VPS13C: variants seen among roughly 807,000 people sequenced by gnomAD.
The protein encoded by VPS13C is intermembrane lipid transfer protein VPS13C.
Under a neutral mutation model 456.8 loss-of-function variants are expected in VPS13C, and 358 were observed. The observed-to-expected ratio is 0.78, with a 90% CI of 0.72 to 0.86. The LOEUF (loss-of-function observed/expected upper bound fraction) is 0.86, where lower values mean the gene tolerates loss of function less well. Among genes scored for constraint, VPS13C ranks in the 40% least tolerant of loss-of-function variants. The pLI is 0.00. For missense variants in VPS13C, 4,818 were observed against 4,385.4 expected, an observed-to-expected ratio of 1.10 and a Z score of -2.79; for synonymous variants, 1,578 against 1,486.7, an observed-to-expected ratio of 1.06 and a Z score of -1.41.
intron 67 of VPS13C, among the ~76,000 whole-genome samples, chr15:61,888,214 G>A (rs1184267768): frequency 2.6e-5 from 4 of 152,128 alleles, no homozygotes; most frequent in African/African-American, 9.7e-5. Context: ...CAAGGATGTG[G>A]AGCAACAGGA....
At chr15:62,039,365 C>G (rs1156571126) in intron 3 of VPS13C, among the ~76,000 whole-genome samples, 1 of 151,924 alleles carries the variant, frequency 6.6e-6, no homozygotes, top group African/African-American at 2.4e-5. Flanking sequence ...TTCTCACTTA[C>G]AAGTAGGAGC....
At chr15:61,990,901 A>G (rs1412473533) in intron 18 of VPS13C, 99 bp downstream of exon 18, 2 of 773,054 alleles carry the variant, frequency 2.6e-6, no homozygotes, top group Non-Finnish European at 4.2e-6. Context: ...AGTGGAATTA[A>G]TAACATTTAT....
At chr15:62,058,348 A>T (rs2140823503) in intron 1 of VPS13C, among the ~76,000 whole-genome samples, 1 of 152,306 alleles carries the variant, frequency 6.6e-6, no homozygotes, top group South Asian at 2.1e-4. Flanking sequence ...TTCTTTACTT[A>T]CCTTTCCTTT....
intron 29 of VPS13C, 137 bp from the exon 30 acceptor site, chr15:61,966,279 A>G: frequency 2.0e-6 from 1 of 489,306 alleles, no homozygotes; most frequent in Non-Finnish European, 3.5e-6. Context: ...TATTGCCATT[A>G]TTTTAAATTT....
chr15:62,009,164 C>T (rs2046955955), intron 13 of VPS13C, among the ~76,000 whole-genome samples: 1 of 151,942 alleles, frequency 6.6e-6, no homozygotes, highest in Non-Finnish European at 1.5e-5. Flanking sequence ...TATATTTTTC[C>T]TCTGGATCAT....
intron 10 of VPS13C, 46 bp downstream of exon 10, chr15:62,013,887 A>C: frequency 3.5e-5 from 46 of 1,297,624 alleles, no homozygotes; most frequent in Non-Finnish European, 4.6e-5. Context: ...AAAATAAATT[A>C]AGTGCACCTA....
Position 61,974,416 on chromosome 15 carries a change from A to G in VPS13C, c.2410T>C (p.Phe804Leu), listed in dbSNP as rs2045645261. 2 of 1,611,332 alleles carry G rather than the reference A, an allele frequency of 1.2e-6. No individual in the cohort carries two copies. Among genetic ancestry groups the G allele is most frequent in the African/African-American group, 1.3e-5 (1 of 74,834 alleles). ...MVEKDIRMARFKVSGGLPLMH... is the reference protein window; with the variant it reads ...MVEKDIRMARLKVSGGLPLMH... ...AAAGGAAGTCCTCCTGACACTTTAA[A>G]TCTAAAAATACAATTCAGTGGTTTT... The change falls in exon 25 of 85, where the codon TTT becomes CTT. Residue 804 changes from phenylalanine (F) to leucine (L), a missense_variant and splice_region_variant. Transcript: ENST00000644861.
chr15:61,996,905 A>T (rs2046402991), intron 16 of VPS13C, among the ~76,000 whole-genome samples: 1 of 150,610 alleles, frequency 6.6e-6, no homozygotes, highest in African/African-American at 2.4e-5. Flanking sequence ...ACATATATAT[A>T]TATTACATAT....
In VPS13C at chr15:61,973,442, T is replaced by C; in HGVS notation, c.2617+12A>G. 6.3e-7 allele frequency: 1 copy of C among 1,599,866 alleles called. No individual in the cohort carries two copies. The highest frequency in any genetic ancestry group is 8.6e-7 in the Non-Finnish European group (1 of 1,167,714). Reference sequence around the variant, plus strand: ...TTAATTTAATAGAGAAAGAGTATTTTACTTTCCTTACCTGATTCCACAGTG... The same window carrying C: ...TTAATTTAATAGAGAAAGAGTATTTCACTTTCCTTACCTGATTCCACAGTG... On this transcript the variant is annotated intron_variant, in intron 26 of 84. Coordinates refer to ENST00000644861, the MANE Select transcript of VPS13C (RefSeq NM_020821.3).
At chr15:61,966,241 T>A in intron 29 of VPS13C, 99 bp from the exon 30 acceptor site, 6 of 709,342 alleles carry the variant, frequency 8.5e-6, no homozygotes, top group Non-Finnish European at 1.3e-5. Context: ...GTTATAAATG[T>A]ATTTTATATA....
Position 61,880,952 on chromosome 15 carries a change from T to C in VPS13C, c.9779A>G (p.Tyr3260Cys). 1 of 1,579,922 alleles carries C rather than the reference T, an allele frequency of 6.3e-7. No homozygotes were observed. ...CATTTCCTGAATGAGGACCATAAAA[T>C]ACCTAAGAAAAAAAATTTAAAATGG... ...NEYSKVLQFK[Y>C]FMVLIQEMAL... is the part of the protein sequence containing the mutation. The change falls in exon 72 of 85, where the codon TAT becomes TGT. Residue 3260 changes from tyrosine (Y) to cysteine (C), a missense_variant and splice_region_variant. Tyr to Cys is a radical substitution (Grantham distance 194, BLOSUM62 -2). Around this residue, in one of 3 missense-constraint regions of VPS13C, gnomAD observed 4,552 missense variants for 4,130.6 expected, o/e 1.10. Transcript: ENST00000644861.
intron 66 of VPS13C, among the ~76,000 whole-genome samples, chr15:61,899,935 C>T (rs2042945877): frequency 6.6e-6 from 1 of 152,044 alleles, no homozygotes; most frequent in East Asian, 1.9e-4. Flanking sequence ...GGCTTCATCC[C>T]TGGGATGCAA....
At chr15:61,868,315 G>A (rs1894738836) in intron 81 of VPS13C, among the ~76,000 whole-genome samples, 1 of 151,926 alleles carries the variant, frequency 6.6e-6, no homozygotes, top group South Asian at 2.1e-4. Context: ...ATTTGGTTGG[G>A]AGAAATGGAA....
At chr15:61,948,188 G>C (rs1464786126) in intron 42 of VPS13C, among the ~76,000 whole-genome samples, 2 of 152,140 alleles carry the variant, frequency 1.3e-5, no homozygotes, top group Non-Finnish European at 2.9e-5. Context: ...AGTGTTTCTA[G>C]TGTATTGTGA....
intron 16 of VPS13C, among the ~76,000 whole-genome samples, chr15:61,992,338 T>C (rs532596645): frequency 8.6e-4 from 131 of 152,316 alleles, no homozygotes; most frequent in African/African-American, 2.9e-3. Flanking sequence ...CTCCTTCTCT[T>C]TGCCCACTTT....
Position 61,942,080 on chromosome 15 carries a change from A to T in VPS13C, c.5149-13T>A. 1 of 1,545,062 alleles carries T rather than the reference A, an allele frequency of 6.5e-7. No homozygotes were observed. The highest frequency in any genetic ancestry group is 8.7e-7 in the Non-Finnish European group (1 of 1,143,976). The stretch of plus-strand genomic sequence containing the variant: ...TGTTGAGGAAGTTCTGTTGGAAGAG[A>T]CAGATATTTAGGGGAAAAAAGGCAT... On this transcript the variant is annotated splice_polypyrimidine_tract_variant and intron_variant, in intron 45 of 84. Coordinates refer to ENST00000644861, the MANE Select transcript of VPS13C (RefSeq NM_020821.3).
intron 73 of VPS13C, 29 bp downstream of exon 73, chr15:61,880,580 A>G: frequency 6.8e-7 from 1 of 1,463,826 alleles, no homozygotes; most frequent in Non-Finnish European, 9.3e-7. Flanking sequence ...TAATTTCACT[A>G]AATTTTCAAA....
intron 81 of VPS13C, chr15:61,865,982 G>A (rs1894559525): frequency 1.0e-6 from 1 of 984,046 alleles, no homozygotes; most frequent in East Asian, 1.1e-4. Context: ...ATATTACAAA[G>A]GGCTAAAAAG....
At chr15:61,964,018 T>C in intron 31 of VPS13C, 67 bp from the exon 32 acceptor site, 1 of 1,019,592 alleles carries the variant, frequency 9.8e-7, no homozygotes. Context: ...TTAAGGTTTA[T>C]TCGCTATATT....
Sources: allele counts gnomAD v4.1 joint callset (sites outside exome capture counted in the v4.1 genomes callset), GRCh38; gene constraint gnomAD v4.1.1; regional missense constraint gnomAD v4.1.1; transcripts MANE v1.5; gene names NCBI Gene and HGNC (gene_info 2026-07-23, HGNC 2026-07-21).